Variants in NAV3 observed in about 807,000 individuals in gnomAD.
NAV3 encodes the protein pore membrane and/or filament interacting like protein 1.
A neutral mutation model predicts 244.7 loss-of-function variants in NAV3; 87 were observed. That is an observed-to-expected ratio of 0.36 (90% CI 0.30 to 0.42). The LOEUF (loss-of-function observed/expected upper bound fraction) is 0.42, where lower values mean the gene tolerates loss of function less well. Among genes scored for constraint, NAV3 ranks in the 20% least tolerant of loss-of-function variants. The probability of loss-of-function intolerance (pLI) is 1.00; values close to 1 mark genes in which losing one functional copy is unlikely to be tolerated. For synonymous variants in NAV3, 1,126 were observed against 1,042.2 expected (o/e 1.08, Z -1.55); for missense variants, 2,663 against 2,893.3 (o/e 0.92, Z 1.83).
Position 78,021,859 on chromosome 12 carries a change from T to A in NAV3, c.2020T>A (p.Ser674Thr). The A allele has an allele frequency of 6.3e-7, 1 of 1,595,150 alleles. No homozygotes were observed. Among genetic ancestry groups the A allele is most frequent in the Non-Finnish European group, 8.6e-7 (1 of 1,166,834 alleles). Residue 674 changes from serine (S) to threonine (T), a missense_variant, in exon 9 of 40, where the codon TCT becomes ACT. Coordinates refer to ENST00000397909, the MANE Select transcript of NAV3 (RefSeq NM_001024383.2). ...KTAKQCLEEI[S>T]GEDPETRRMR... ...TGCTAAGCAGTGCCTGGAGGAGATA[T>A]CTGGTAAGTGACCTCATCGATGCAT... is the stretch of plus-strand genomic sequence containing the variant.
At chr12:77,671,141 C>G (rs1281367660) in intron 2 of NAV3, among the ~76,000 whole-genome samples, 3 of 152,060 alleles carry the variant, frequency 2.0e-5, no homozygotes, top group Non-Finnish European at 4.4e-5. Context: ...TATACACCAA[C>G]AGTGACCAAA....
intron 16 of NAV3, 62 bp from the exon 17 acceptor site, chr12:78,127,105 G>T (rs2138805778): frequency 1.3e-6 from 2 of 1,529,540 alleles, no homozygotes; most frequent in South Asian, 2.3e-5. Flanking sequence ...CATTTTTGTT[G>T]GATGTGTAAT....
rs1396120117 is a variant in NAV3 at position 78,212,628 on chromosome 12, C to T, written c.*2111C>T. The T allele has an allele frequency of 2.0e-5, 3 of 152,584 alleles. No individual in the cohort carries two copies. Among genetic ancestry groups the T allele is most frequent in the African/African-American group, 4.8e-5 (2 of 41,444 alleles). 9.5% of individuals were successfully genotyped at this position (152,584 alleles called of 1,614,324 possible). A position where few individuals can be genotyped will look rare whatever the true frequency, so the allele number is the denominator to read the frequency against. On this transcript the variant is annotated 3_prime_UTR_variant, in exon 40 of 40. Transcript: ENST00000397909. ...GATCTAAGAAAATTGCTAATCTTTC[C>T]CTGCCATTTTGAGAAACACAGTCCA...
At chr12:77,665,426 T>C (rs770464610) in intron 2 of NAV3, among the ~76,000 whole-genome samples, 3 of 152,200 alleles carry the variant, frequency 2.0e-5, no homozygotes, top group Non-Finnish European at 2.9e-5. Context: ...TTCATGTTAA[T>C]TTTTGTATAA....
chr12:77,862,051 C>T (rs1481521696), intron 1 of NAV3, among the ~76,000 whole-genome samples: 1 of 151,654 alleles, frequency 6.6e-6, no homozygotes, highest in Non-Finnish European at 1.5e-5. Context: ...GTCATGTTTT[C>T]TAATTTTTCC....
chr12:77,673,106 C>T (rs1344403215), intron 2 of NAV3, among the ~76,000 whole-genome samples: 1 of 151,990 alleles, frequency 6.6e-6, no homozygotes, highest in African/African-American at 2.4e-5. Flanking sequence ...TACATTTTTA[C>T]TTTTTAAAAA....
At chr12:77,967,900 G>A (rs1236881763) in intron 4 of NAV3, among the ~76,000 whole-genome samples, 1 of 151,996 alleles carries the variant, frequency 6.6e-6, no homozygotes, top group Non-Finnish European at 1.5e-5. Context: ...ATTAAAAATT[G>A]ATATGTCTGC....
At chr12:77,894,664 T>C (rs1884361799) in intron 1 of NAV3, among the ~76,000 whole-genome samples, 1 of 152,148 alleles carries the variant, frequency 6.6e-6, no homozygotes, top group South Asian at 2.1e-4. Flanking sequence ...TAAGACAAGA[T>C]CCCTATTTTG....
chr12:78,000,532 C>G (rs1317955297), intron 7 of NAV3, among the ~76,000 whole-genome samples: 1 of 119,710 alleles, frequency 8.4e-6, no homozygotes, highest in African/African-American at 3.3e-5. Context: ...GAGACGGAGT[C>G]TCACTCTGTC....
intron 5 of NAV3, among the ~76,000 whole-genome samples, chr12:77,989,292 T>C (rs1236019524): frequency 6.6e-6 from 1 of 152,210 alleles, no homozygotes; most frequent in Admixed American, 6.5e-5. Context: ...AGTAATACTA[T>C]AATTAGAACC....
intron 2 of NAV3, among the ~76,000 whole-genome samples, chr12:77,778,320 A>G (rs1870483535): frequency 6.6e-6 from 1 of 150,614 alleles, no homozygotes; most frequent in African/African-American, 2.4e-5. Flanking sequence ...CGTAATGAGA[A>G]TGCATTTATA....
chr12:78,198,118 T>C (rs1277588555), intron 35 of NAV3, among the ~76,000 whole-genome samples: 1 of 151,790 alleles, frequency 6.6e-6, no homozygotes, highest in Non-Finnish European at 1.5e-5. Context: ...AATAAATAGT[T>C]TTAATAGTGT....
chr12:77,716,367 G>A (rs759368332), intron 2 of NAV3, among the ~76,000 whole-genome samples: 20 of 151,502 alleles, frequency 1.3e-4, no homozygotes, highest in Non-Finnish European at 2.5e-4. Flanking sequence ...AATGTACCAT[G>A]TTCTCAAGAA....
intron 2 of NAV3, among the ~76,000 whole-genome samples, chr12:77,791,591 A>G (rs984688565): frequency 6.6e-6 from 1 of 152,116 alleles, no homozygotes; most frequent in Non-Finnish European, 1.5e-5. Flanking sequence ...CCTATTTTAC[A>G]GAAGAGGAAC....
intron 2 of NAV3, among the ~76,000 whole-genome samples, chr12:77,608,857 T>C (rs1464624214): frequency 6.6e-6 from 1 of 152,120 alleles, no homozygotes; most frequent in East Asian, 1.9e-4. Flanking sequence ...TTTAGCTTTT[T>C]CTCCAGGCAT....
intron 2 of NAV3, among the ~76,000 whole-genome samples, chr12:77,780,743 C>T (rs992575668): frequency 5.9e-5 from 9 of 152,266 alleles, no homozygotes; most frequent in African/African-American, 2.2e-4. Flanking sequence ...GGTTGTAAAA[C>T]TGGCAAGTGA....
intron 1 of NAV3, among the ~76,000 whole-genome samples, chr12:77,853,604 T>G (rs1032495922): frequency 6.6e-6 from 1 of 152,164 alleles, no homozygotes. Context: ...ATACTTCTGA[T>G]AGCAACATTT....
intron 23 of NAV3, among the ~76,000 whole-genome samples, chr12:78,168,489 G>A (rs1345026809): frequency 6.6e-6 from 1 of 151,614 alleles, no homozygotes; most frequent in Non-Finnish European, 1.5e-5. Context: ...TGAGTTCTGG[G>A]TGCCACCTTT....
intron 2 of NAV3, among the ~76,000 whole-genome samples, chr12:77,757,300 C>G (rs7315223): frequency 0.47 from 70,672 of 151,970 alleles, 16,560 homozygotes; most frequent in Middle Eastern, 0.51. Flanking sequence ...CTGAAGATAA[C>G]TTTATGGGAA....
Sources: gnomAD v4.1 joint callset for allele counts (sites outside exome capture counted in the v4.1 genomes callset) on GRCh38, gnomAD v4.1.1 for gene constraint, MANE v1.5 for transcripts, NCBI Gene and HGNC (gene_info 2026-07-23, HGNC 2026-07-21) for gene names.